The following FAM200B variants were observed in gnomAD, a reference collection of about 807,000 sequenced individuals.
FAM200B encodes protein FAM200B.
Under a neutral mutation model 33.1 loss-of-function variants are expected in FAM200B, and 32 were observed. The observed-to-expected ratio is 0.97, with a 90% CI of 0.73 to 1.30. The LOEUF (loss-of-function observed/expected upper bound fraction) is 1.30, where lower values mean the gene tolerates loss of function less well. FAM200B is among the 50% of genes most tolerant of loss of function. The pLI, the probability that FAM200B is intolerant of heterozygous loss-of-function variation, is 0.00. For synonymous variants in FAM200B, 240 were observed against 264.8 expected, an observed-to-expected ratio of 0.91 and a Z score of 0.91; for missense variants, 741 against 754.0, an observed-to-expected ratio of 0.98 and a Z score of 0.20.
chr4:15,682,215 G>A (rs1718367083), intron 1 of FAM200B, among the ~76,000 whole-genome samples: 1 of 152,156 alleles, frequency 6.6e-6, no homozygotes, highest in Admixed American at 6.5e-5. Flanking sequence ...AAGGCCTAGT[G>A]TACTAACTAA....
At chr4:15,670,834 T>A in the FAM200B span, among the ~76,000 whole-genome samples, 2 of 151,482 alleles carry the variant, frequency 1.3e-5, no homozygotes, top group Non-Finnish European at 2.9e-5. Flanking sequence ...GTACAACGGA[T>A]CTACTGATGA....
chr4:15,688,166 A>G lies in FAM200B; in HGVS notation c.1189A>G (p.Arg397Gly). 1 of 1,551,292 alleles carries G rather than the reference A, an allele frequency of 6.4e-7. No homozygotes were observed. The highest frequency in any genetic ancestry group is 8.7e-7 in the Non-Finnish European group (1 of 1,146,722). ...RWLSQGKILS[R>G]VYELRNEIHF... ...GTTGTCTCAAGGGAAAATACTAAGC[A>G]GGGTTTATGAGCTCAGGAATGAGAT... Residue 397 changes from arginine to glycine, a missense_variant, in exon 2 of 2, where the codon AGG becomes GGG. By Grantham distance (125) the Arg-to-Gly change is moderately radical. Coordinates refer to ENST00000422728, the MANE Select transcript of FAM200B (RefSeq NM_001145191.2).
chr4:15,672,027 C>G, the FAM200B span, among the ~76,000 whole-genome samples: 1 of 152,152 alleles, frequency 6.6e-6, no homozygotes, highest in Non-Finnish European at 1.5e-5. Context: ...TTGGAGATTA[C>G]ATTGTGGATT....
intron 1 of FAM200B, among the ~76,000 whole-genome samples, chr4:15,683,657 TG>T (rs1286502589): frequency 6.6e-6 from 1 of 152,214 alleles, no homozygotes; most frequent in Non-Finnish European, 1.5e-5. Flanking sequence ...TTTACATGTA[TG>T]TTTTTATAGG....
the FAM200B span, chr4:15,655,227 G>A: frequency 6.3e-6 from 9 of 1,436,478 alleles, no homozygotes; most frequent in Non-Finnish European, 8.4e-6. Flanking sequence ...AGCCCCACCA[G>A]CTGCTTCATC....
At chr4:15,670,846 T>A in the FAM200B span, among the ~76,000 whole-genome samples, 2 of 151,406 alleles carry the variant, frequency 1.3e-5, no homozygotes, top group African/African-American at 4.8e-5. Context: ...TACTGATGAA[T>A]CCTTTCAGTT....
upstream of FAM200B, among the ~76,000 whole-genome samples, chr4:15,679,316 T>C (rs1342044532): frequency 1.3e-5 from 2 of 151,892 alleles, no homozygotes; most frequent in Non-Finnish European, 2.9e-5. Context: ...CCTCTCAAAG[T>C]GCTGGGATTA....
In FAM200B at chr4:15,687,929, A is replaced by T; in HGVS notation, c.952A>T (p.Asn318Tyr). Residue 318 changes from asparagine to tyrosine, a missense_variant, in exon 2 of 2, where the codon AAT becomes TAT. Asn to Tyr is a moderately radical substitution (Grantham distance 143). Transcript: ENST00000422728. ...AATTAAAAAATTACTAGAAGTTACTAATAATGGTGCTGTGTGGAATCATTG... is the reference window on the plus strand; with the variant it reads ...AATTAAAAAATTACTAGAAGTTACTTATAATGGTGCTGTGTGGAATCATTG... Reference protein sequence around the residue: ...RVIKKLLEVTNNGAVWNHCFI... With the variant: ...RVIKKLLEVTYNGAVWNHCFI... 1 of 1,550,942 alleles carries T rather than the reference A, an allele frequency of 6.4e-7. No homozygotes were observed. The highest frequency in any genetic ancestry group is 2.4e-5 in the East Asian group (1 of 40,876).
the FAM200B span, among the ~76,000 whole-genome samples, chr4:15,648,302 C>T: frequency 6.6e-6 from 1 of 152,020 alleles, no homozygotes; most frequent in African/African-American, 2.4e-5. Flanking sequence ...ATTGGTACAG[C>T]CATTATGGAA....
intron 1 of FAM200B, among the ~76,000 whole-genome samples, chr4:15,685,577 G>T (rs1204618348): frequency 6.6e-6 from 1 of 152,046 alleles, no homozygotes; most frequent in Non-Finnish European, 1.5e-5. Context: ...TGGTTAGTTT[G>T]CATAGGAATT....
At chr4:15,684,483 C>T (rs1302100092) in intron 1 of FAM200B, among the ~76,000 whole-genome samples, 1 of 152,028 alleles carries the variant, frequency 6.6e-6, no homozygotes, top group African/African-American at 2.4e-5. Context: ...TGATAAATAT[C>T]TAGGGAGAGG....
In FAM200B at chr4:15,688,344, A is replaced by G. The variant is rs1165436444; in HGVS notation, c.1367A>G (p.His456Arg). The G allele has an allele frequency of 1.9e-6, 3 of 1,550,320 alleles. No individual in the cohort carries two copies. The highest frequency in any genetic ancestry group is 1.7e-6 in the Non-Finnish European group (2 of 1,145,808). ...GGGAAAAACAGTGATGTATTCCAAC[A>G]TGTTGAACGTATCCAGGGATTTCGA... ...LQGKNSDVFQ[H>R]VERIQGFRKT... Residue 456 changes from histidine (H) to arginine (R), a missense_variant, in exon 2 of 2, where the codon CAT becomes CGT. Coordinates refer to ENST00000422728, the MANE Select transcript of FAM200B (RefSeq NM_001145191.2).
upstream of FAM200B, among the ~76,000 whole-genome samples, chr4:15,680,531 G>A (rs112871891): frequency 6.6e-6 from 1 of 152,042 alleles, no homozygotes; most frequent in African/African-American, 2.4e-5. Flanking sequence ...ACAAAAATTA[G>A]CCTGGCATGG....
chr4:15,683,742 A>G (rs1210610699), intron 1 of FAM200B, among the ~76,000 whole-genome samples: 2 of 152,200 alleles, frequency 1.3e-5, no homozygotes, highest in African/African-American at 4.8e-5. Flanking sequence ...TGTTTTAAAT[A>G]ATATGTTTTA....
the FAM200B span, chr4:15,640,882 T>A: frequency 6.9e-7 from 1 of 1,440,346 alleles, no homozygotes; most frequent in South Asian, 1.4e-5. Context: ...TTCATATTCA[T>A]TCTGGAAACC....
chr4:15,643,601 T>C, the FAM200B span, among the ~76,000 whole-genome samples: 1 of 152,194 alleles, frequency 6.6e-6, no homozygotes, highest in Non-Finnish European at 1.5e-5. Context: ...AAGACAGGTT[T>C]TCACTATGTT....
At chr4:15,655,097 A>ACGGCACGGGGCTGCGGGCGCGGCGC in the FAM200B span, 1 of 884,526 alleles carries the variant, frequency 1.1e-6, no homozygotes. Flanking sequence ...TCGCGCGGCG[A>ACGGCACGGGGCTGCGGGCGCGGCGC]CGGCACGGGG....
At chr4:15,650,385 C>G in the FAM200B span, among the ~76,000 whole-genome samples, 1 of 152,138 alleles carries the variant, frequency 6.6e-6, no homozygotes, top group Non-Finnish European at 1.5e-5. Context: ...CCTCTCTTAT[C>G]TGTGATGTAC....
chr4:15,668,008 T>C, the FAM200B span, among the ~76,000 whole-genome samples: 1 of 148,362 alleles, frequency 6.7e-6, no homozygotes, highest in Non-Finnish European at 1.5e-5. Flanking sequence ...GCCATTGCAC[T>C]CCAGCCTGGG....
Sources: gnomAD v4.1 joint callset for allele counts (sites outside exome capture counted in the v4.1 genomes callset) on GRCh38, gnomAD v4.1.1 for gene constraint, MANE v1.5 for transcripts, NCBI Gene and HGNC (gene_info 2026-07-23, HGNC 2026-07-21) for gene names.